Variants in HK3 observed in about 807,000 individuals in gnomAD.
HK3 encodes hexokinase 3, also known as hexokinase-3.
In HK3, 93 loss-of-function variants were observed where a neutral mutation model predicts 91.0. The observed-to-expected ratio is 1.02, with a 90% CI of 0.86 to 1.21. HK3 has a LOEUF of 1.21. Ranked by LOEUF, HK3 falls within the 50% of genes most tolerant of loss-of-function variation. The pLI, the probability that HK3 is intolerant of heterozygous loss-of-function variation, is 0.00. For missense variants in HK3, 1,235 were observed against 1,247.4 expected (o/e 0.99, Z 0.15); for synonymous variants, 519 against 516.9 (o/e 1.00, Z -0.06).
Position 176,884,267 on chromosome 5 carries a change from T to A in HK3, c.1858-133A>T. 1.3e-6 allele frequency: 1 copy of A among 778,618 alleles called. No individual in the cohort carries two copies. Among genetic ancestry groups the A allele is most frequent in the Non-Finnish European group, 2.2e-6 (1 of 456,532 alleles). 48.2% of individuals were successfully genotyped at this position (778,618 alleles called of 1,614,324 possible). A position where few individuals can be genotyped will look rare whatever the true frequency, so the allele number is the denominator to read the frequency against. On this transcript the variant is annotated intron_variant, in intron 13 of 18. Coordinates refer to ENST00000292432, the MANE Select transcript of HK3 (RefSeq NM_002115.3). The surrounding 1 kb of genome is among the most constrained non-coding windows in gnomAD (Gnocchi z 4.1). ...AAGCACAATTCCTTGCCTACTTTGC[T>A]GTATGGTTGAAGGCCTTGCCCTCTG...
chr5:176,882,435 C>T (rs1758462768), intron 15 of HK3, among the ~76,000 whole-genome samples: 1 of 152,224 alleles, frequency 6.6e-6, no homozygotes, highest in Non-Finnish European at 1.5e-5. Flanking sequence ...GTGACATCCC[C>T]CGCCCTCGCC....
At chr5:176,891,606 C>T (rs1758777498) in intron 2 of HK3, 56 bp from the exon 3 acceptor site, 3 of 1,551,968 alleles carry the variant, frequency 1.9e-6, no homozygotes, top group East Asian at 4.5e-5. Flanking sequence ...GGCCAGACTC[C>T]CCACCTCCAA....
intron 6 of HK3, 138 bp from the exon 7 acceptor site, chr5:176,889,882 ATTT>A (rs1758719839): frequency 1.5e-6 from 1 of 689,648 alleles, no homozygotes; most frequent in African/African-American, 1.8e-5. Flanking sequence ...TGCCACACAC[ATTT>A]GTGCCACAGA....
In HK3 at chr5:176,888,358, T is replaced by G; in HGVS notation, c.1278A>C (p.Gly426=). The G allele has an allele frequency of 6.4e-7, 1 of 1,559,340 alleles. No homozygotes were observed. The change falls in exon 10 of 19, where the codon GGA becomes GGC. Residue 426 remains glycine (G), a synonymous_variant. Coordinates refer to ENST00000292432, the MANE Select transcript of HK3 (RefSeq NM_002115.3). ...TGGGGTGCCGCTCACACACTCGGCCTCCGGTGGCCACAGCAACCTGGAGTG... is the reference window on the plus strand; with the variant it reads ...TGGGGTGCCGCTCACACACTCGGCCGCCGGTGGCCACAGCAACCTGGAGTG... The part of the protein sequence containing the change: ...QQTLQVAVAT[G]GRVCERHPRF...
Position 176,884,103 on chromosome 5 carries a change from T to G in HK3, c.1889A>C (p.Lys630Thr), listed in dbSNP as rs1483215980. ...ATCTTGGCCCTCGCAGTCTGATGCC[T>G]TGAAACCCTTGGTCCAGTTCAGGAG... ...GILLNWTKGF[K>T]ASDCEGQDVV... The change falls in exon 14 of 19, where the codon AAG (lysine) becomes ACG (threonine). Residue 630 changes from lysine to threonine, a missense_variant. Lys to Thr is a moderately conservative substitution (Grantham distance 78, BLOSUM62 -1). Around this residue, in one of 3 missense-constraint regions of HK3, gnomAD observed 513 missense variants for 477.4 expected, o/e 1.07. Transcript: ENST00000292432. The surrounding 1 kb of genome is among the most constrained non-coding windows in gnomAD (Gnocchi z 4.1). The G allele has an allele frequency of 6.2e-7, 1 of 1,614,110 alleles. No individual in the cohort carries two copies. Among genetic ancestry groups the G allele is most frequent in the Non-Finnish European group, 8.5e-7 (1 of 1,180,028 alleles).
intron 1 of HK3, among the ~76,000 whole-genome samples, chr5:176,898,561 C>T (rs1758963340): frequency 2.0e-5 from 3 of 152,206 alleles, no homozygotes. Context: ...CTCATCCATT[C>T]AATATTTATT....
rs1758647009 is a variant in HK3, at chr5:176,887,936, T to C, written c.1305-190A>G. Among the ~76,000 whole-genome samples, 1 of 151,820 alleles carries C rather than the reference T, an allele frequency of 6.6e-6. No individual in the cohort carries two copies. The highest frequency in any genetic ancestry group is 1.5e-5 in the Non-Finnish European group (1 of 67,968). On this transcript the variant is annotated intron_variant, in intron 10 of 18. Coordinates refer to ENST00000292432, the MANE Select transcript of HK3 (RefSeq NM_002115.3). This position sits in a 1 kb window ranked among gnomAD's most constrained non-coding sequence, Gnocchi z 4.9. ...TTTTTGTAGATATCGAGTCTTGCTC[T>C]CTCACCCAAGCTAGAGTGCCACGGA... is the stretch of plus-strand genomic sequence containing the variant.
chr5:176,882,164 G>A (rs768118718), intron 15 of HK3, 37 bp from the exon 16 acceptor site: 2 of 1,607,492 alleles, frequency 1.2e-6, no homozygotes, highest in Non-Finnish European at 8.5e-7. Context: ...GCTACTTACT[G>A]ATGTAGACAA....
chr5:176,894,777 C>CTTT (rs550204831), intron 2 of HK3, among the ~76,000 whole-genome samples: 8 of 138,002 alleles, frequency 5.8e-5, no homozygotes, highest in African/African-American at 8.0e-5. Flanking sequence ...TATGCAAGTC[C>CTTT]TTTTTTTTTT....
rs779847590 is a variant in HK3, at chr5:176,887,731, C to A, written c.1320G>T (p.Leu440=). The A allele has an allele frequency of 1.4e-5, 23 of 1,608,880 alleles. No individual in the cohort carries two copies. The highest frequency in any genetic ancestry group is 3.3e-5 in the Admixed American group (2 of 59,880). ...CERHPRFCSV[L]QGTVMLLAPE... ...GGGCCAGGAGCATCACTGTCCCCTG[C>A]AGGACGCTGCAGAACCTACAGATAC... Residue 440 remains leucine (L), a synonymous_variant, in exon 11 of 19, where the codon CTG becomes CTT. Coordinates refer to ENST00000292432, the MANE Select transcript of HK3 (RefSeq NM_002115.3). This position sits in a 1 kb window ranked among gnomAD's most constrained non-coding sequence, Gnocchi z 4.9.
chr5:176,894,777 C>CT lies in HK3; in HGVS notation c.96+1286dup, dbSNP rs550204831. On this transcript the variant is annotated intron_variant, in intron 2 of 18. Transcript: ENST00000292432. ...AGTGGGCACCTCCTCTATGCAAGTCCTTTTTTTTTTTTTTTTTTTGACAGA... is the reference window on the plus strand; with the variant it reads ...AGTGGGCACCTCCTCTATGCAAGTCCTTTTTTTTTTTTTTTTTTTTGACAGA... 4.1e-3 allele frequency among the ~76,000 whole-genome samples: 560 copies of CT among 138,004 alleles called. 2 individuals are homozygous for CT. Among genetic ancestry groups the CT allele is most frequent in the African/African-American group, 5.1e-3 (194 of 37,792 alleles). 90.5% of individuals were successfully genotyped at this position (138,004 alleles called of 152,430 possible). A position where few individuals can be genotyped will look rare whatever the true frequency, so the allele number is the denominator to read the frequency against.
At chr5:176,895,397 C>T (rs574151402) in intron 2 of HK3, among the ~76,000 whole-genome samples, 1 of 152,268 alleles carries the variant, frequency 6.6e-6, no homozygotes, top group East Asian at 1.9e-4. Flanking sequence ...CCTTTATCTC[C>T]ATTAGCCTTC....
Position 176,890,749 on chromosome 5 carries a change from G to A in HK3, c.535-19C>T, listed in dbSNP as rs1758742508. On this transcript the variant is annotated intron_variant, in intron 5 of 18. Coordinates refer to ENST00000292432, the MANE Select transcript of HK3 (RefSeq NM_002115.3). ...GGGTGCTCTGGAGGTAGAGAAGCTG[G>A]GTTACTCCTCTGACGGCCTTCATGG... 3 of 1,614,078 alleles carry A rather than the reference G, an allele frequency of 1.9e-6. No homozygotes were observed. The highest frequency in any genetic ancestry group is 1.7e-6 in the Non-Finnish European group (2 of 1,179,946).
intron 3 of HK3, 56 bp downstream of exon 3, chr5:176,891,332 C>T: frequency 1.2e-6 from 2 of 1,608,036 alleles, no homozygotes; most frequent in East Asian, 2.2e-5. Context: ...GTTTCCCTCC[C>T]CTAGATCAGT....
rs1758435299 is a variant in HK3, at chr5:176,881,705, AGAGGAACTT to A, written c.2371_2379del (p.Lys791_Leu793del). 1 of 1,613,996 alleles carries A rather than the reference AGAGGAACTT, an allele frequency of 6.2e-7. No homozygotes were observed. The highest frequency in any genetic ancestry group is 8.5e-7 in the Non-Finnish European group (1 of 1,180,030). On this transcript the variant is annotated inframe_deletion, in exon 17 of 19. Coordinates refer to ENST00000292432, the MANE Select transcript of HK3 (RefSeq NM_002115.3). Reference sequence around the variant, plus strand: ...GGCCTCAGGCACCTTTCGATCTCAGAGAGGAACTTGGTCTTGAAGATGTCCCTGGTCTGA... The same window carrying A: ...GGCCTCAGGCACCTTTCGATCTCAGAGGTCTTGAAGATGTCCCTGGTCTGA...
chr5:176,890,091 C>A (rs1758725381), intron 6 of HK3, among the ~76,000 whole-genome samples: 2 of 152,184 alleles, frequency 1.3e-5, no homozygotes, highest in Admixed American at 6.5e-5. Flanking sequence ...CCTGGCTCCC[C>A]AAGCCTGTTC....
chr5:176,898,964 C>T (rs764309553), intron 1 of HK3, among the ~76,000 whole-genome samples: 7 of 152,044 alleles, frequency 4.6e-5, no homozygotes, highest in Non-Finnish European at 7.4e-5. Flanking sequence ...AAAACGCCAT[C>T]GCTAGAAAAA....
At chr5:176,882,814 G>A (rs1758478135) in intron 15 of HK3, among the ~76,000 whole-genome samples, 1 of 152,188 alleles carries the variant, frequency 6.6e-6, no homozygotes, top group African/African-American at 2.4e-5. Context: ...TCAGCTCCAG[G>A]AAGGTGGGCT....
chr5:176,895,955 GT>G, intron 2 of HK3, 108 bp downstream of exon 2: 1 of 866,108 alleles, frequency 1.2e-6, no homozygotes, highest in Non-Finnish European at 2.0e-6. Context: ...GAAAAGCTCA[GT>G]GGAAAGGGGC....
Sources: allele counts gnomAD v4.1 joint callset (sites outside exome capture counted in the v4.1 genomes callset), GRCh38; gene constraint gnomAD v4.1.1; regional missense constraint gnomAD v4.1.1; non-coding constraint Gnocchi (gnomAD v3.1); transcripts MANE v1.5; gene names NCBI Gene and HGNC (gene_info 2026-07-23, HGNC 2026-07-21).